TAFA5: variants seen among roughly 807,000 people sequenced by gnomAD.
TAFA5 encodes TAFA chemokine like family member 5, also known as chemokine-like protein TAFA-5.
TAFA5 carries 6 observed loss-of-function variants against 15.3 expected under a neutral mutation model. That is an observed-to-expected ratio of 0.39 (90% CI 0.21 to 0.77). The LOEUF is 0.77. Among genes scored for constraint, TAFA5 ranks in the 30% least tolerant of loss-of-function variants. The probability of loss-of-function intolerance (pLI) is 0.41; values close to 1 mark genes in which losing one functional copy is unlikely to be tolerated. For missense variants in TAFA5, 161 were observed against 193.1 expected (o/e 0.83, Z 0.98); for synonymous variants, 103 against 80.7 (o/e 1.28, Z -1.48).
At chr22:48,571,889 C>T (rs1923605690) in intron 1 of TAFA5, among the ~76,000 whole-genome samples, 1 of 151,968 alleles carries the variant, frequency 6.6e-6, no homozygotes, top group East Asian at 1.9e-4. Flanking sequence ...ATTTTACTTT[C>T]CACAGCCCAG....
intron 1 of TAFA5, among the ~76,000 whole-genome samples, chr22:48,608,352 A>T (rs948726890): frequency 2.6e-5 from 4 of 151,872 alleles, no homozygotes; most frequent in Non-Finnish European, 5.9e-5. Context: ...TTCTCTGAAC[A>T]TTTATGCTGG....
chr22:48,683,683 G>A (rs1376864858), intron 2 of TAFA5, among the ~76,000 whole-genome samples: 1 of 152,224 alleles, frequency 6.6e-6, no homozygotes, highest in African/African-American at 2.4e-5. Flanking sequence ...TGAAAAAATT[G>A]CAAACTTTCA....
chr22:48,509,843 T>A (rs1004714862), intron 1 of TAFA5, among the ~76,000 whole-genome samples: 2 of 150,274 alleles, frequency 1.3e-5, no homozygotes, highest in African/African-American at 2.5e-5. Context: ...CCCAGCTACT[T>A]GGGAGGCTGA....
At chr22:48,632,464 G>A (rs760948201) in intron 1 of TAFA5, among the ~76,000 whole-genome samples, 1 of 150,020 alleles carries the variant, frequency 6.7e-6, no homozygotes, top group Non-Finnish European at 1.5e-5. Flanking sequence ...TACACCCTGA[G>A]GTCCACCCTG....
chr22:48,618,925 G>A (rs28461573), intron 1 of TAFA5, among the ~76,000 whole-genome samples: 20,452 of 152,218 alleles, frequency 0.13, 1,598 homozygotes, highest in Non-Finnish European at 0.16. Context: ...GGAGGCTGGT[G>A]GAGTCCTGGG....
rs998283201 is a variant in TAFA5, at chr22:48,598,484, C to T, written c.113-48113C>T. Reference sequence around the variant, plus strand: ...ACCACACAGGAAGGGACGTCTCCTCCTGGTGCCACCTCCTGGGAGAGTGGC... The same window carrying T: ...ACCACACAGGAAGGGACGTCTCCTCTTGGTGCCACCTCCTGGGAGAGTGGC... On this transcript the variant is annotated intron_variant, in intron 1 of 3. Transcript: ENST00000402357. The surrounding 1 kb of genome is among the most constrained non-coding windows in gnomAD (Gnocchi z 4.0). 6.6e-6 allele frequency among the ~76,000 whole-genome samples: 1 copy of T among 152,106 alleles called. No homozygotes were observed. Among genetic ancestry groups the T allele is most frequent in the Admixed American group, 6.5e-5 (1 of 15,274 alleles).
Position 48,707,852 on chromosome 22 carries a change from G to C in TAFA5, c.390+8G>C. On this transcript the variant is annotated splice_region_variant and intron_variant, in intron 3 of 3. Transcript: ENST00000402357. ...AGGATAAAGACCACCACGGTATGTG[G>C]CCCTCGGCTTTCTCGTGGGTGTGCT... 6.2e-7 allele frequency: 1 copy of C among 1,610,754 alleles called. No individual in the cohort carries two copies. The highest frequency in any genetic ancestry group is 8.5e-7 in the Non-Finnish European group (1 of 1,178,100).
At chr22:48,493,836 G>A (rs1276095256) in intron 1 of TAFA5, among the ~76,000 whole-genome samples, 1 of 152,166 alleles carries the variant, frequency 6.6e-6, no homozygotes, top group African/African-American at 2.4e-5. Context: ...CTGGGGGAAG[G>A]GACTTCCCAG....
intron 1 of TAFA5, among the ~76,000 whole-genome samples, chr22:48,634,006 C>T (rs1237674706): frequency 6.6e-6 from 1 of 151,742 alleles, no homozygotes; most frequent in Admixed American, 6.5e-5. Context: ...GTCACAGGGC[C>T]TGTTGACGGT....
chr22:48,603,553 G>A (rs904414604), intron 1 of TAFA5, among the ~76,000 whole-genome samples: 17 of 152,302 alleles, frequency 1.1e-4, no homozygotes, highest in African/African-American at 3.6e-4. Context: ...TGGCTCAGAG[G>A]TGCCAGGGTA....
intron 1 of TAFA5, chr22:48,546,494 A>G: frequency 2.1e-6 from 1 of 470,984 alleles, no homozygotes; most frequent in Non-Finnish European, 4.4e-6. Flanking sequence ...GGGTGTGTGG[A>G]CGCCCCTGTT....
intron 1 of TAFA5, chr22:48,547,345 C>G (rs539163571): frequency 6.6e-6 from 1 of 152,344 alleles, no homozygotes; most frequent in Non-Finnish European, 1.5e-5. Context: ...TGCTTTGGAA[C>G]AATCAGGGGA....
At chr22:48,514,148 C>T (rs1029862155) in intron 1 of TAFA5, among the ~76,000 whole-genome samples, 9 of 152,264 alleles carry the variant, frequency 5.9e-5, no homozygotes, top group African/African-American at 1.7e-4. Context: ...GGCCCGGCCG[C>T]GGAGTTGCCG....
chr22:48,535,033 C>G (rs1318886938), intron 1 of TAFA5, among the ~76,000 whole-genome samples: 2 of 152,134 alleles, frequency 1.3e-5, no homozygotes, highest in African/African-American at 4.8e-5. Context: ...GAACAGGGAA[C>G]ATTCCGGAAC....
intron 1 of TAFA5, among the ~76,000 whole-genome samples, chr22:48,563,311 T>C (rs1426383546): frequency 6.6e-6 from 1 of 152,090 alleles, no homozygotes; most frequent in Non-Finnish European, 1.5e-5. Context: ...TCCATGACTG[T>C]ACCCACCCCA....
rs1029591346 is a variant in TAFA5, at chr22:48,490,853, G to T, written c.112+1149G>T. Among the ~76,000 whole-genome samples, 3 of 147,578 alleles carry T rather than the reference G, an allele frequency of 2.0e-5. No individual in the cohort carries two copies. Among genetic ancestry groups the T allele is most frequent in the African/African-American group, 7.7e-5 (3 of 39,134 alleles). ...CTCCTCCAGAGCCCCGGGCCTCCAA[G>T]CTCCCAGTCCGATCTGATCCTTCCG... On this transcript the variant is annotated intron_variant, in intron 1 of 3. Transcript: ENST00000402357. This position sits in a 1 kb window ranked among gnomAD's most constrained non-coding sequence, Gnocchi z 5.8.
At chr22:48,600,557 C>T (rs1028721131) in intron 1 of TAFA5, among the ~76,000 whole-genome samples, 3 of 69,142 alleles carry the variant, frequency 4.3e-5, no homozygotes, top group East Asian at 4.8e-4. Context: ...TGTGTCTGTA[C>T]GTGTGATTTC....
chr22:48,616,479 C>CT (rs1379831547), intron 1 of TAFA5, among the ~76,000 whole-genome samples: 1 of 152,208 alleles, frequency 6.6e-6, no homozygotes, highest in East Asian at 1.9e-4. Context: ...GGGAGCATCT[C>CT]TAATGCGTCA....
intron 2 of TAFA5, among the ~76,000 whole-genome samples, chr22:48,701,171 C>A (rs750108712): frequency 3.3e-5 from 5 of 152,222 alleles, no homozygotes; most frequent in Non-Finnish European, 7.3e-5. Flanking sequence ...CTCCTTCCAT[C>A]CAGTAGAGGA....
Sources: allele counts gnomAD v4.1 joint callset (sites outside exome capture counted in the v4.1 genomes callset), GRCh38; gene constraint gnomAD v4.1.1; non-coding constraint Gnocchi (gnomAD v3.1); transcripts MANE v1.5; gene names NCBI Gene and HGNC (gene_info 2026-07-23, HGNC 2026-07-21).